Variants in MDC1 observed in about 807,000 individuals in gnomAD.
MDC1 encodes the protein mediator of DNA damage checkpoint protein 1.
Under a neutral mutation model 142.5 loss-of-function variants are expected in MDC1, and 81 were observed. The ratio of observed to expected loss-of-function variants is 0.57; its 90% confidence interval spans 0.47 to 0.68. MDC1 has a LOEUF of 0.68. Among genes scored for constraint, MDC1 ranks in the 30% least tolerant of loss-of-function variants. The probability of loss-of-function intolerance (pLI) is 0.00; values close to 1 mark genes in which losing one functional copy is unlikely to be tolerated. For synonymous variants in MDC1, 797 were observed against 968.4 expected, an observed-to-expected ratio of 0.82 and a Z score of 3.29; for missense variants, 2,119 against 2,547.9, an observed-to-expected ratio of 0.83 and a Z score of 3.62.
In MDC1 at chr6:30,707,656, C is replaced by G; in HGVS notation, c.2923G>C (p.Asp975His). Residue 975 changes from aspartate (D) to histidine (H), a missense_variant, in exon 8 of 15, where the codon GAC becomes CAC. Physicochemically the swap from Asp to His is moderately conservative, Grantham distance 81 (BLOSUM62 -1). Coordinates refer to ENST00000376406, the MANE Select transcript of MDC1 (RefSeq NM_014641.3). The part of the protein sequence containing the change: ...PTPEPGVGAG[D>H]LPGPTSAPVP... Reference sequence around the variant, plus strand: ...GGGGCTGAGGTAGGTCCCGGAAGGTCCCCCGCCCCCACCCCAGGCTCTGGT... The same window carrying G: ...GGGGCTGAGGTAGGTCCCGGAAGGTGCCCCGCCCCCACCCCAGGCTCTGGT... 6.2e-7 allele frequency: 1 copy of G among 1,613,044 alleles called. No homozygotes were observed. The highest frequency in any genetic ancestry group is 2.2e-5 in the East Asian group (1 of 44,874).
rs1175002470 is a variant in MDC1 at position 30,703,185 on chromosome 6, A to C, written c.5784T>G (p.Thr1928=). The change falls in exon 12 of 15, where the codon ACT becomes ACG. Residue 1928 remains threonine, a synonymous_variant. Coordinates refer to ENST00000376406, the MANE Select transcript of MDC1 (RefSeq NM_014641.3). The surrounding 1 kb of genome is among the most constrained non-coding windows in gnomAD (Gnocchi z 4.4). The stretch of plus-strand genomic sequence containing the variant: ...ACTTGACTGTCCGGCGGATGCGATC[A>C]GTGACCAGGTGGGAAGCCTCTGCCG... The part of the protein sequence containing the change: ...GSAAEASHLV[T]DRIRRTVKFL... 3 of 1,613,006 alleles carry C rather than the reference A, an allele frequency of 1.9e-6. No individual in the cohort carries two copies. Among genetic ancestry groups the C allele is most frequent in the Non-Finnish European group, 2.5e-6 (3 of 1,180,042 alleles).
rs903044364 is a variant in MDC1 at position 30,700,096 on chromosome 6, G to A, written c.*369C>T. On this transcript the variant is annotated 3_prime_UTR_variant, in exon 15 of 15. Coordinates refer to ENST00000376406, the MANE Select transcript of MDC1 (RefSeq NM_014641.3). ...GAGGTAGGACACCATGAGTGGCATC[G>A]AGCAATAACTGCAACAGTCTGGCTA... is the stretch of plus-strand genomic sequence containing the variant. The A allele has an allele frequency of 8.3e-6, 2 of 241,894 alleles. No homozygotes were observed. The highest frequency in any genetic ancestry group is 1.6e-5 in the Non-Finnish European group (2 of 124,186). 15.0% of individuals were successfully genotyped at this position (241,894 alleles called of 1,614,324 possible).
At chr6:30,702,120 G>A (rs901919871) in intron 14 of MDC1, among the ~76,000 whole-genome samples, 4 of 151,502 alleles carry the variant, frequency 2.6e-5, no homozygotes, top group Non-Finnish European at 4.4e-5. Flanking sequence ...AGAATTAGCC[G>A]GGCGTGGTGG....
rs1562121513 is a variant in MDC1 at position 30,712,241 on chromosome 6, T to C, written c.1701A>G (p.Leu567=). The change falls in exon 5 of 15, where the codon CTA becomes CTG. Residue 567 remains leucine (L), a synonymous_variant. Transcript: ENST00000376406. This position sits in a 1 kb window ranked among gnomAD's most constrained non-coding sequence, Gnocchi z 4.7. ...GGPAKLLVVS[L]EEAWPLHGDC... is the part of the protein sequence containing the mutation. ...CCCCATGCAGAGGCCAGGCTTCCTC[T>C]AGAGATACCACAAGCAGCTTTGCTG... 1 of 1,613,096 alleles carries C rather than the reference T, an allele frequency of 6.2e-7. No individual in the cohort carries two copies. Among genetic ancestry groups the C allele is most frequent in the African/African-American group, 1.3e-5 (1 of 75,076 alleles).
At position 30,716,218 on chromosome 6, in the gene MDC1, ACTTT is replaced by A. The variant is rs200169841; in HGVS notation, c.-4+1023_-4+1026del. 1.0e-4 allele frequency among the ~76,000 whole-genome samples: 15 copies of A among 144,746 alleles called. No homozygotes were observed. The highest frequency in any genetic ancestry group is 1.9e-4 in the Non-Finnish European group (13 of 66,708). 95.0% of individuals were successfully genotyped at this position (144,746 alleles called of 152,430 possible). A position where few individuals can be genotyped will look rare whatever the true frequency, so the allele number is the denominator to read the frequency against. On this transcript the variant is annotated intron_variant, in intron 1 of 14. Transcript: ENST00000376406. This position sits in a 1 kb window ranked among gnomAD's most constrained non-coding sequence, Gnocchi z 4.4. ...TCCTTTAAGATTCAGTTCAAATGTC[ACTTT>A]CTTTCTTTTTTTTTTTTTTGAGATG...
rs757282128 is a variant in MDC1 at position 30,715,199 on chromosome 6, C to T, written c.-3-21G>A. 1 of 1,613,888 alleles carries T rather than the reference C, an allele frequency of 6.2e-7. No individual in the cohort carries two copies. The highest frequency in any genetic ancestry group is 1.1e-5 in the South Asian group (1 of 91,068). Reference sequence around the variant, plus strand: ...ATGATCTGGGAAGGATACACATTATCAATTATCCTCATTATTGGTTCACAC... The same window carrying T: ...ATGATCTGGGAAGGATACACATTATTAATTATCCTCATTATTGGTTCACAC... On this transcript the variant is annotated intron_variant, in intron 1 of 14. Coordinates refer to ENST00000376406, the MANE Select transcript of MDC1 (RefSeq NM_014641.3). This position sits in a 1 kb window ranked among gnomAD's most constrained non-coding sequence, Gnocchi z 4.1.
chr6:30,707,366 A>G lies in MDC1; in HGVS notation c.3084+18T>C, dbSNP rs141591043. 1.2e-6 allele frequency: 2 copies of G among 1,612,148 alleles called. No homozygotes were observed. Among genetic ancestry groups the G allele is most frequent in the African/African-American group, 2.7e-5 (2 of 75,056 alleles). On this transcript the variant is annotated intron_variant, in intron 9 of 14. Coordinates refer to ENST00000376406, the MANE Select transcript of MDC1 (RefSeq NM_014641.3). ...AGAGATGACTTGTGGAATAGGAGGT[A>G]GAAAAAGTAGCTCTCACCCTGGAAA...
chr6:30,708,388 G>A (rs1240949580), intron 7 of MDC1, 31 bp from the exon 8 acceptor site: 3 of 1,535,386 alleles, frequency 2.0e-6, no homozygotes, highest in East Asian at 2.3e-5. Context: ...AGAGAGAGAG[G>A]GAGAGGGAGA....
chr6:30,713,240 G>A lies in MDC1; in HGVS notation c.702C>T (p.Ser234=), dbSNP rs1256707861. 6.2e-7 allele frequency: 1 copy of A among 1,613,006 alleles called. No individual in the cohort carries two copies. The highest frequency in any genetic ancestry group is 8.5e-7 in the Non-Finnish European group (1 of 1,180,048). ...EGQQPATEEA[S]SAARRGATVE... ...CAGTGGCACCTCTTCTGGCAGCTGAGGAGGCCTCCTCTGTGGCTGGTTGCT... is the reference window on the plus strand; with the variant it reads ...CAGTGGCACCTCTTCTGGCAGCTGAAGAGGCCTCCTCTGTGGCTGGTTGCT... Residue 234 remains serine (S), a synonymous_variant, in exon 5 of 15, where the codon TCC becomes TCT. Transcript: ENST00000376406. The surrounding 1 kb of genome is among the most constrained non-coding windows in gnomAD (Gnocchi z 4.9).
rs1581608096 is a variant in MDC1 at position 30,711,838 on chromosome 6, G to C, written c.2068+36C>G. On this transcript the variant is annotated intron_variant, in intron 5 of 14. Coordinates refer to ENST00000376406, the MANE Select transcript of MDC1 (RefSeq NM_014641.3). ...AACCCCAGCTGTTAGAACCCTGGTT[G>C]ATTTCAGAGGTCTAGGAAGGAAGGC... is the stretch of plus-strand genomic sequence containing the variant. The C allele has an allele frequency of 5.2e-6, 8 of 1,545,352 alleles. No homozygotes were observed. The East Asian group carries it at 1.8e-4, about 35-fold the overall frequency.
chr6:30,711,702 G>A lies in MDC1; in HGVS notation c.2093C>T (p.Ala698Val). The A allele has an allele frequency of 6.2e-7, 1 of 1,612,966 alleles. No individual in the cohort carries two copies. The highest frequency in any genetic ancestry group is 8.5e-7 in the Non-Finnish European group (1 of 1,179,980). The change falls in exon 6 of 15, where the codon GCT becomes GTT. Residue 698 changes from alanine to valine, a missense_variant. By Grantham distance (64) the Ala-to-Val change is moderately conservative. Transcript: ENST00000376406. ...CTGATTCTCCAGAAAGCACTGGGTA[G>A]CTTGTAGGTCCAGATCTTCAGAATC... ...YGDSEDLDLQ[A>V]TQCFLENQGL...
At chr6:30,708,933 A>G (rs1774395811) in intron 7 of MDC1, among the ~76,000 whole-genome samples, 1 of 151,750 alleles carries the variant, frequency 6.6e-6, no homozygotes, top group African/African-American at 2.4e-5. Flanking sequence ...ATAGTCTCTC[A>G]TCATACCACT....
intron 9 of MDC1, 72 bp downstream of exon 9, chr6:30,707,312 G>C (rs1330169890): frequency 7.0e-7 from 1 of 1,434,424 alleles, no homozygotes; most frequent in Non-Finnish European, 9.8e-7. Flanking sequence ...TTAAAGTGAG[G>C]CTAGGTGAAA....
rs114634557 is a variant in MDC1, at chr6:30,713,538, G to T, written c.587+110C>A. On this transcript the variant is annotated intron_variant, in intron 4 of 14. Transcript: ENST00000376406. This position sits in a 1 kb window ranked among gnomAD's most constrained non-coding sequence, Gnocchi z 4.9. ...TTCAGCTGAGTGAATGAATATGTATGGTTCCCCAGCCCCAACTCTCATGAT... is the reference window on the plus strand; with the variant it reads ...TTCAGCTGAGTGAATGAATATGTATTGTTCCCCAGCCCCAACTCTCATGAT... The T allele has an allele frequency of 0.039, 49,898 of 1,295,878 alleles. 1,559 individuals carry two copies. Among genetic ancestry groups the T allele is most frequent in the Non-Finnish European group, 0.038 (35,390 of 941,976 alleles). 80.3% of individuals were successfully genotyped at this position (1,295,878 alleles called of 1,614,324 possible). A position where few individuals can be genotyped will look rare whatever the true frequency, so the allele number is the denominator to read the frequency against.
Position 30,703,562 on chromosome 6 carries a change from G to C in MDC1, c.5563-25C>G. 2 of 1,612,828 alleles carry C rather than the reference G, an allele frequency of 1.2e-6. No individual in the cohort carries two copies. Among genetic ancestry groups the C allele is most frequent in the African/African-American group, 2.7e-5 (2 of 75,022 alleles). ...CCTGAGATTGAGAAAAATCTTGGTGGGAGTTTCAGAGCCCTGAAGTCATTT... is the reference window on the plus strand; with the variant it reads ...CCTGAGATTGAGAAAAATCTTGGTGCGAGTTTCAGAGCCCTGAAGTCATTT... On this transcript the variant is annotated intron_variant, in intron 10 of 14. Coordinates refer to ENST00000376406, the MANE Select transcript of MDC1 (RefSeq NM_014641.3). The surrounding 1 kb of genome is among the most constrained non-coding windows in gnomAD (Gnocchi z 4.4).
rs749191433 is a variant in MDC1, at chr6:30,715,247, C to A, written c.-3-69G>T. ...CACAAACAGCATCAGAGTTATCAGA[C>A]TGAAAACTAGGGGGTAAACTGGATC... On this transcript the variant is annotated intron_variant, in intron 1 of 14. Transcript: ENST00000376406. This position sits in a 1 kb window ranked among gnomAD's most constrained non-coding sequence, Gnocchi z 4.1. 4.1e-5 allele frequency: 64 copies of A among 1,562,264 alleles called. No homozygotes were observed. Among genetic ancestry groups the A allele is most frequent in the Non-Finnish European group, 5.2e-5 (59 of 1,134,634 alleles).
At chr6:30,714,298 A>C in intron 2 of MDC1, 115 bp from the exon 3 acceptor site, 1 of 1,142,382 alleles carries the variant, frequency 8.8e-7, no homozygotes, top group Non-Finnish European at 1.2e-6. Context: ...CATTAGAAAA[A>C]TAAAAGGCCC....
rs1463771183 is a variant in MDC1 at position 30,708,132 on chromosome 6, A to G, written c.2447T>C (p.Ile816Thr). ...GRQTVDKVMG[I>T]PKETAERVGP... is the part of the protein sequence containing the mutation. ...CACCCTCTCTGCTGTTTCTTTTGGT[A>G]TACCCATGACTTTATCCACAGTCTG... Residue 816 changes from isoleucine (I) to threonine (T), a missense_variant, in exon 8 of 15, where the codon ATA becomes ACA. Physicochemically the swap from Ile to Thr is moderately conservative, Grantham distance 89. Transcript: ENST00000376406. The G allele has an allele frequency of 3.1e-6, 5 of 1,612,814 alleles. No individual in the cohort carries two copies. The highest frequency in any genetic ancestry group is 3.3e-5 in the Admixed American group (2 of 59,990).
intron 14 of MDC1, among the ~76,000 whole-genome samples, chr6:30,701,007 G>A (rs535039794): frequency 1.3e-4 from 20 of 149,976 alleles, no homozygotes; most frequent in East Asian, 4.0e-4. Context: ...CCCAGGAGGC[G>A]GAGCTTGCAG....
Sources: gnomAD v4.1 joint callset for allele counts (sites outside exome capture counted in the v4.1 genomes callset) on GRCh38, gnomAD v4.1.1 for gene constraint, Gnocchi (gnomAD v3.1) non-coding constraint, MANE v1.5 for transcripts, NCBI Gene and HGNC (gene_info 2026-07-23, HGNC 2026-07-21) for gene names.